Variants in METTL21C observed in about 807,000 individuals in gnomAD.
The protein encoded by METTL21C is methyltransferase 21C, AARS1 lysine.
METTL21C carries 21 observed loss-of-function variants against 25.9 expected under a neutral mutation model. The ratio of observed to expected loss-of-function variants is 0.81; its 90% CI spans 0.58 to 1.17. The LOEUF (loss-of-function observed/expected upper bound fraction) is 1.17. Among genes scored for constraint, METTL21C ranks in the 50% most tolerant of loss-of-function variants. The probability of loss-of-function intolerance (pLI) is 0.00; values close to 1 mark genes in which losing one functional copy is unlikely to be tolerated. For synonymous variants in METTL21C, 125 were observed against 124.7 expected (o/e 1.00, Z -0.01); for missense variants, 312 against 315.1 (o/e 0.99, Z 0.07).
upstream of METTL21C, among the ~76,000 whole-genome samples, chr13:102,699,437 A>G (rs1487592569): frequency 1.3e-5 from 2 of 152,146 alleles, no homozygotes; most frequent in Admixed American, 6.5e-5. Flanking sequence ...CTGGGCTGCT[A>G]TTCCTGTTCC....
chr13:102,689,196 C>T (rs998962409), intron 2 of METTL21C, among the ~76,000 whole-genome samples: 1 of 152,116 alleles, frequency 6.6e-6, no homozygotes, highest in Admixed American at 6.5e-5. Flanking sequence ...TCTGAAAGTG[C>T]TGGGATTACA....
chr13:102,701,205 T>C, the METTL21C span, among the ~76,000 whole-genome samples: 9 of 152,154 alleles, frequency 5.9e-5, no homozygotes, highest in South Asian at 1.9e-3. Flanking sequence ...ATTATTTAAA[T>C]ATCTATCCAG....
Position 102,687,065 on chromosome 13 carries a change from A to G in METTL21C, c.283-8T>C. On this transcript the variant is annotated splice_polypyrimidine_tract_variant and splice_region_variant and intron_variant, in intron 2 of 3. Transcript: ENST00000267273. ...TTGACACAAAGCCATAGCCTAAAAAATAATTATAACTTTTCATGTGGGCAT... is the reference window on the plus strand; with the variant it reads ...TTGACACAAAGCCATAGCCTAAAAAGTAATTATAACTTTTCATGTGGGCAT... 1 of 1,606,310 alleles carries G rather than the reference A, an allele frequency of 6.2e-7. No individual in the cohort carries two copies. The highest frequency in any genetic ancestry group is 8.5e-7 in the Non-Finnish European group (1 of 1,172,972).
At position 102,686,425 on chromosome 13, in the gene METTL21C, C is replaced by G; in HGVS notation, c.401G>C (p.Gly134Ala). The change falls in exon 4 of 4, where the codon GGA becomes GCA. Residue 134 changes from glycine to alanine, a missense_variant and splice_region_variant. Gly to Ala is a moderately conservative substitution (Grantham distance 60, BLOSUM62 0). Transcript: ENST00000267273. ...GLVSIVASILGAQVTATDLPD... is the reference protein window; with the variant it reads ...GLVSIVASILAAQVTATDLPD... ...CAAATCTGTTGCTGTGACTTGAGCT[C>G]CTAAGAGAAAAAGAAAACAATGACC... is the stretch of plus-strand genomic sequence containing the variant. 6.2e-7 allele frequency: 1 copy of G among 1,603,058 alleles called. No homozygotes were observed. The highest frequency in any genetic ancestry group is 1.3e-5 in the African/African-American group (1 of 74,228).
chr13:102,686,066 C>T lies in METTL21C; in HGVS notation c.760G>A (p.Val254Ile), dbSNP rs376742602. The change falls in exon 4 of 4, where the codon GTC (valine) becomes ATC (isoleucine). Residue 254 changes from valine to isoleucine, a missense_variant. Physicochemically the swap from Val to Ile is conservative, Grantham distance 29 (BLOSUM62 3). Coordinates refer to ENST00000267273, the MANE Select transcript of METTL21C (RefSeq NM_001010977.3). The part of the protein sequence containing the change: ...TLLAEYPESS[V>I]KLFKGILKWD ...TTTAGTATCCCCTTAAAAAGTTTGA[C>T]TGATGACTCTGGATATTCAGCCAAC... 2.5e-6 allele frequency: 4 copies of T among 1,596,328 alleles called. No individual in the cohort carries two copies. The highest frequency in any genetic ancestry group is 1.3e-5 in the African/African-American group (1 of 74,486).
In METTL21C at chr13:102,694,894, T is replaced by TCACACA. The variant is rs1346890971; in HGVS notation, c.-397_-396insTGTGTG. ...CTCTTTCTCTCTCTCTCTCTCTCTC[T>TCACACA]CTCTCTCACACACACACACACACAC... is the stretch of plus-strand genomic sequence containing the variant. On this transcript the variant is annotated 5_prime_UTR_variant, in exon 1 of 4. Coordinates refer to ENST00000267273, the MANE Select transcript of METTL21C (RefSeq NM_001010977.3). 1.0e-3 allele frequency among the ~76,000 whole-genome samples: 146 copies of TCACACA among 142,572 alleles called. 1 individual carries two copies. The highest frequency in any genetic ancestry group is 3.5e-3 in the African/African-American group (134 of 37,878). 93.5% of individuals were successfully genotyped at this position (142,572 alleles called of 152,430 possible). A position where few individuals can be genotyped will look rare whatever the true frequency, so the allele number is the denominator to read the frequency against.
chr13:102,694,473 T>A lies in METTL21C; in HGVS notation c.26A>T (p.Gln9Leu), dbSNP rs1355561422. The change falls in exon 1 of 4, where the codon CAG becomes CTG. Residue 9 changes from glutamine (Q) to leucine (L), a missense_variant. Physicochemically the swap from Gln to Leu is moderately radical, Grantham distance 113. Coordinates refer to ENST00000267273, the MANE Select transcript of METTL21C (RefSeq NM_001010977.3). ...TCCTTCCCCCCGGCGCCCAGGCTGC[T>A]GCGCGGAGCTCAGACACACGTCCAT... is the stretch of plus-strand genomic sequence containing the variant. The part of the protein sequence containing the change: MDVCLSSA[Q>L]QPGRRGEGLS... 3 of 1,453,860 alleles carry A rather than the reference T, an allele frequency of 2.1e-6. No individual in the cohort carries two copies. The Admixed American group carries it at 6.7e-5, about 33-fold the overall frequency. The allele number at this position is 1,453,860 out of a possible 1,614,324, so 90.1% of individuals were successfully genotyped here. A position where few individuals can be genotyped will look rare whatever the true frequency, so the allele number is the denominator to read the frequency against.
chr13:102,686,515 C>G lies in METTL21C; in HGVS notation c.401-90G>C. 3.5e-6 allele frequency: 5 copies of G among 1,442,322 alleles called. No homozygotes were observed. In the South Asian group the frequency reaches 7.1e-5, roughly 20 times the overall value. 89.3% of individuals were successfully genotyped at this position (1,442,322 alleles called of 1,614,324 possible). A position where few individuals can be genotyped will look rare whatever the true frequency, so the allele number is the denominator to read the frequency against. On this transcript the variant is annotated intron_variant, in intron 3 of 3. Coordinates refer to ENST00000267273, the MANE Select transcript of METTL21C (RefSeq NM_001010977.3). Reference sequence around the variant, plus strand: ...GAGAAACACAAGAAACAACTGGATTCCTTAGCCTTGGCTCTATTGGTGGGT... The same window carrying G: ...GAGAAACACAAGAAACAACTGGATTGCTTAGCCTTGGCTCTATTGGTGGGT...
chr13:102,686,460 C>T (rs762334646), intron 3 of METTL21C, 35 bp from the exon 4 acceptor site: 2 of 1,579,870 alleles, frequency 1.3e-6, no homozygotes, highest in South Asian at 1.2e-5. Context: ...CTGGAAACAT[C>T]TGGGCAGTCA....
At chr13:102,702,772 G>A in the METTL21C span, among the ~76,000 whole-genome samples, 21 of 152,068 alleles carry the variant, frequency 1.4e-4, no homozygotes, top group African/African-American at 4.8e-4. Flanking sequence ...TGTATTTTTA[G>A]TAGAGACAGG....
the METTL21C span, among the ~76,000 whole-genome samples, chr13:102,701,069 C>A: frequency 6.6e-6 from 1 of 151,954 alleles, no homozygotes; most frequent in South Asian, 2.1e-4. Context: ...TGGAACTATT[C>A]TGGGATGTGC....
chr13:102,691,895 C>T (rs1219842404), intron 1 of METTL21C, among the ~76,000 whole-genome samples: 1 of 152,260 alleles, frequency 6.6e-6, no homozygotes, highest in Middle Eastern at 3.4e-3. Flanking sequence ...AGCACCTGAT[C>T]GGGCTGACAT....
upstream of METTL21C, among the ~76,000 whole-genome samples, chr13:102,698,995 C>A (rs192697349): frequency 1.1e-3 from 175 of 152,248 alleles, 4 homozygotes; most frequent in Admixed American, 0.011. Context: ...GGTCAAGATT[C>A]AATGTCTAGG....
At chr13:102,687,778 G>A (rs553087316) in intron 2 of METTL21C, among the ~76,000 whole-genome samples, 36 of 152,174 alleles carry the variant, frequency 2.4e-4, no homozygotes, top group Admixed American at 5.9e-4. Context: ...TTGAGTAGTA[G>A]CAAGCAGATT....
upstream of METTL21C, among the ~76,000 whole-genome samples, chr13:102,697,310 A>G (rs532062799): frequency 7.2e-5 from 11 of 152,084 alleles, no homozygotes; most frequent in African/African-American, 1.9e-4. Flanking sequence ...CCAAGGGGAC[A>G]TTCAGCAATT....
intron 1 of METTL21C, 143 bp from the exon 2 acceptor site, chr13:102,691,107 C>T (rs1401790210): frequency 2.3e-6 from 2 of 863,434 alleles, no homozygotes; most frequent in Non-Finnish European, 3.5e-6. Context: ...AGAACGGCTG[C>T]AAATTGGCAC....
intron 2 of METTL21C, among the ~76,000 whole-genome samples, chr13:102,689,468 C>T (rs888202851): frequency 1.3e-5 from 2 of 152,236 alleles, no homozygotes; most frequent in Admixed American, 6.5e-5. Flanking sequence ...TCTCCCCATC[C>T]TGTGCCATCG....
chr13:102,692,205 T>C (rs1885848985), intron 1 of METTL21C, among the ~76,000 whole-genome samples: 1 of 152,132 alleles, frequency 6.6e-6, no homozygotes, highest in East Asian at 1.9e-4. Flanking sequence ...AAATAGCCTC[T>C]CAAGGTGGAA....
chr13:102,692,202 C>T, intron 1 of METTL21C, among the ~76,000 whole-genome samples: 1 of 152,096 alleles, frequency 6.6e-6, no homozygotes. Context: ...CTGAAATAGC[C>T]TCTCAAGGTG....
Sources: gnomAD v4.1 joint callset for allele counts (sites outside exome capture counted in the v4.1 genomes callset) on GRCh38, gnomAD v4.1.1 for gene constraint, MANE v1.5 for transcripts, NCBI Gene and HGNC (gene_info 2026-07-23, HGNC 2026-07-21) for gene names.